IPO5: variants seen among roughly 807,000 people sequenced by gnomAD.
IPO5 encodes importin 5.
Under a neutral mutation model 143.3 loss-of-function variants are expected in IPO5, and 18 were observed. The ratio of observed to expected loss-of-function variants is 0.13; its 90% confidence interval spans 0.09 to 0.19. IPO5 has a LOEUF of 0.19. Ranked by LOEUF, IPO5 falls within the 10% of genes least tolerant of loss-of-function variation. The pLI, the probability that IPO5 is intolerant of heterozygous loss-of-function variation, is 1.00. For missense variants in IPO5, 1,013 were observed against 1,336.9 expected (o/e 0.76, Z 3.78); for synonymous variants, 477 against 465.7 (o/e 1.02, Z -0.31).
At position 97,994,908 on chromosome 13, in the gene IPO5, G is replaced by C. The variant is rs567251077; in HGVS notation, c.913+1683G>C. ...TGGAAAGCCAAGGTGGGTAAATTATGTGAGCTGCTGAGTTTGAGACCAGCC... is the reference window on the plus strand; with the variant it reads ...TGGAAAGCCAAGGTGGGTAAATTATCTGAGCTGCTGAGTTTGAGACCAGCC... On this transcript the variant is annotated intron_variant, in intron 11 of 28. Transcript: ENST00000651721. Among the ~76,000 whole-genome samples the C allele has an allele frequency of 1.8e-4, 27 of 152,174 alleles. 1 individual carries two copies. The highest frequency in any genetic ancestry group is 6.5e-4 in the African/African-American group (27 of 41,538).
At chr13:97,989,211 C>A in intron 7 of IPO5, 47 bp downstream of exon 7, 1 of 986,870 alleles carries the variant, frequency 1.0e-6, no homozygotes. Flanking sequence ...TTAATGAATG[C>A]CCTAAACACC....
intron 20 of IPO5, among the ~76,000 whole-genome samples, chr13:98,010,428 T>C (rs1404946272): frequency 1.3e-5 from 2 of 152,152 alleles, no homozygotes; most frequent in African/African-American, 4.8e-5. Flanking sequence ...AAACAACAAA[T>C]AGCCCAAATT....
chr13:98,002,386 G>T, intron 13 of IPO5, 81 bp from the exon 14 acceptor site: 3 of 1,367,576 alleles, frequency 2.2e-6, no homozygotes, highest in Non-Finnish European at 3.0e-6. Flanking sequence ...TTCCAAATAA[G>T]AACTTTTATA....
Position 98,006,300 on chromosome 13 carries a change from A to G in IPO5, c.1668A>G (p.Lys556=), listed in dbSNP as rs764998761. 1 of 1,612,248 alleles carries G rather than the reference A, an allele frequency of 6.2e-7. No individual in the cohort carries two copies. The highest frequency in any genetic ancestry group is 1.1e-5 in the South Asian group (1 of 91,040). The stretch of plus-strand genomic sequence containing the variant: ...AAGAACTGAGACTTCTGAGAGGAAA[A>G]ACTATTGAATGCATTAGCCTCATTG... ...VQKELRLLRG[K]TIECISLIGL... is the part of the protein sequence containing the mutation. The change falls in exon 17 of 29, where the codon AAA becomes AAG. Residue 556 remains lysine (K), a synonymous_variant. Coordinates refer to ENST00000651721, the MANE Select transcript of IPO5 (RefSeq NM_002271.6).
intron 24 of IPO5, among the ~76,000 whole-genome samples, 176 bp downstream of exon 24, chr13:98,015,957 A>T (rs1226386773): frequency 6.6e-6 from 1 of 152,202 alleles, no homozygotes; most frequent in Non-Finnish European, 1.5e-5. Flanking sequence ...AATTAAACTG[A>T]TATGTCTTTC....
intron 2 of IPO5, among the ~76,000 whole-genome samples, chr13:97,968,220 T>C (rs924404006): frequency 6.6e-6 from 1 of 152,218 alleles, no homozygotes; most frequent in Non-Finnish European, 1.5e-5. Flanking sequence ...GATTTCTAAT[T>C]TTATTCTGTT....
At chr13:97,971,292 GT>G (rs1371339855) in intron 3 of IPO5, among the ~76,000 whole-genome samples, 1 of 152,218 alleles carries the variant, frequency 6.6e-6, no homozygotes, top group Non-Finnish European at 1.5e-5. Flanking sequence ...CTTCAGGATT[GT>G]TAGGGTCCCA....
chr13:98,005,086 A>G (rs1233555883), intron 16 of IPO5, among the ~76,000 whole-genome samples: 3 of 151,566 alleles, frequency 2.0e-5, no homozygotes, highest in Admixed American at 2.0e-4. Context: ...GAGTGGAGAC[A>G]GGGTTTCACC....
At chr13:97,957,674 TA>T (rs1355396513) in intron 2 of IPO5, among the ~76,000 whole-genome samples, 1 of 152,100 alleles carries the variant, frequency 6.6e-6, no homozygotes, top group Non-Finnish European at 1.5e-5. Context: ...AAAATAAAAA[TA>T]AAAACAATAA....
At chr13:97,961,855 G>T (rs541527614) in intron 2 of IPO5, among the ~76,000 whole-genome samples, 7 of 152,146 alleles carry the variant, frequency 4.6e-5, no homozygotes, top group Non-Finnish European at 7.4e-5. Flanking sequence ...GTGGCCAGGC[G>T]CAGTGGCTCA....
chr13:97,992,184 AT>A (rs1424186659), intron 9 of IPO5, among the ~76,000 whole-genome samples: 2 of 152,250 alleles, frequency 1.3e-5, no homozygotes, highest in Admixed American at 1.3e-4. Flanking sequence ...TACTGTTGAA[AT>A]CTAATCCCGG....
intron 2 of IPO5, among the ~76,000 whole-genome samples, chr13:97,965,120 C>A (rs1174821991): frequency 6.6e-6 from 1 of 152,096 alleles, no homozygotes; most frequent in Non-Finnish European, 1.5e-5. Flanking sequence ...TGTTCTCACT[C>A]ATAAGTGGGA....
intron 2 of IPO5, among the ~76,000 whole-genome samples, chr13:97,965,791 G>C (rs1012657982): frequency 1.3e-5 from 2 of 151,544 alleles, no homozygotes; most frequent in African/African-American, 2.4e-5. Context: ...GTGTGTGCTT[G>C]TGTGAATTCC....
Position 97,982,563 on chromosome 13 carries a change from A to C in IPO5, c.151A>C (p.Asn51His). Residue 51 changes from asparagine to histidine, a missense_variant, in exon 5 of 29, where the codon AAT (asparagine) becomes CAT (histidine). Physicochemically the swap from Asn to His is moderately conservative, Grantham distance 68. This residue lies in a region of IPO5 where 328 missense variants were observed against 342.0 expected (regional missense o/e 0.96). Coordinates refer to ENST00000651721, the MANE Select transcript of IPO5 (RefSeq NM_002271.6). ...CACATTCCTCTTACAAGCCATCAGA[A>C]ATACAACAGCTGCTGAAGAGGTACT... is the stretch of plus-strand genomic sequence containing the variant. ...KITFLLQAIRNTTAAEEARQM... is the reference protein window; with the variant it reads ...KITFLLQAIRHTTAAEEARQM... The C allele has an allele frequency of 6.2e-7, 1 of 1,608,628 alleles. No homozygotes were observed. The highest frequency in any genetic ancestry group is 1.1e-5 in the South Asian group (1 of 90,986).
At chr13:97,990,396 A>C in intron 8 of IPO5, 37 bp from the exon 9 acceptor site, 2 of 1,472,328 alleles carry the variant, frequency 1.4e-6, no homozygotes, top group Non-Finnish European at 1.9e-6. Context: ...TTTATCAAAA[A>C]TTTCTCATGT....
chr13:97,986,825 T>C (rs1313041273), intron 6 of IPO5: 1 of 152,210 alleles, frequency 6.6e-6, no homozygotes, highest in Non-Finnish European at 1.5e-5. Flanking sequence ...TATTTCCATT[T>C]GGTCTAGTGC....
chr13:97,990,483 G>A lies in IPO5; in HGVS notation c.615G>A (p.Glu205=), dbSNP rs781774202. The change falls in exon 9 of 29, where the codon GAG becomes GAA. Residue 205 remains glutamate (E), a synonymous_variant. Transcript: ENST00000651721. ...CAGCTGCATTTATACTTGCAAATGAGCATAATGTTGCTCTGTTCAAACATT... is the reference window on the plus strand; with the variant it reads ...CAGCTGCATTTATACTTGCAAATGAACATAATGTTGCTCTGTTCAAACATT... ...RATAAFILAN[E]HNVALFKHFA... The A allele has an allele frequency of 5.0e-6, 8 of 1,607,872 alleles. No homozygotes were observed. Among genetic ancestry groups the A allele is most frequent in the Middle Eastern group, 1.6e-4 (1 of 6,074 alleles).
chr13:97,975,168 G>A (rs1210437711), intron 3 of IPO5, among the ~76,000 whole-genome samples: 1 of 149,076 alleles, frequency 6.7e-6, no homozygotes, highest in African/African-American at 2.5e-5. Context: ...TCCCTTTGGG[G>A]CAGAAATGAA....
intron 9 of IPO5, among the ~76,000 whole-genome samples, chr13:97,991,315 C>A (rs1460795977): frequency 1.3e-5 from 2 of 152,130 alleles, no homozygotes; most frequent in Admixed American, 6.5e-5. Context: ...GACAAGACTA[C>A]ACTGGAAGAC....
Sources: gnomAD v4.1 joint callset for allele counts (sites outside exome capture counted in the v4.1 genomes callset) on GRCh38, gnomAD v4.1.1 for gene constraint, gnomAD v4.1.1 regional missense constraint, MANE v1.5 for transcripts, NCBI Gene and HGNC (gene_info 2026-07-23, HGNC 2026-07-21) for gene names.